UBR2: variants seen among roughly 807,000 people sequenced by gnomAD.
UBR2 encodes the protein ubiquitin protein ligase E3 component n-recognin 2, also known as E3 ubiquitin-protein ligase UBR2.
A neutral mutation model predicts 247.9 loss-of-function variants in UBR2; 92 were observed. That is an observed-to-expected ratio of 0.37 (90% CI 0.31 to 0.44). The LOEUF is 0.44. Among genes scored for constraint, UBR2 ranks in the 20% least tolerant of loss-of-function variants. The pLI is 1.00. For synonymous variants in UBR2, 672 were observed against 693.5 expected, an observed-to-expected ratio of 0.97 and a Z score of 0.49; for missense variants, 1,613 against 2,112.6, an observed-to-expected ratio of 0.76 and a Z score of 4.64.
intron 44 of UBR2, among the ~76,000 whole-genome samples, chr6:42,686,514 TC>T (rs1183703626): frequency 5.9e-5 from 9 of 152,304 alleles, no homozygotes; most frequent in African/African-American, 2.2e-4. Flanking sequence ...GATCTCTCTT[TC>T]TTTTCCCCAC....
chr6:42,585,930 C>CT (rs1160158834), intron 2 of UBR2, among the ~76,000 whole-genome samples: 1 of 151,928 alleles, frequency 6.6e-6, no homozygotes, highest in African/African-American at 2.4e-5. Flanking sequence ...GATTTATGGT[C>CT]TTATATTTTT....
At chr6:42,667,223 C>T (rs374093229) in intron 34 of UBR2, among the ~76,000 whole-genome samples, 16 of 152,008 alleles carry the variant, frequency 1.1e-4, no homozygotes, top group Middle Eastern at 3.4e-3. Context: ...GTAATCCCAG[C>T]TACTTGGGGG....
chr6:42,618,827 A>C (rs1445540663), intron 11 of UBR2, among the ~76,000 whole-genome samples: 1 of 152,210 alleles, frequency 6.6e-6, no homozygotes, highest in African/African-American at 2.4e-5. Flanking sequence ...GAACCGGCCA[A>C]GTGGGTTTGA....
chr6:42,583,534 T>G (rs999097531), intron 2 of UBR2, among the ~76,000 whole-genome samples: 1 of 148,368 alleles, frequency 6.7e-6, no homozygotes, highest in Non-Finnish European at 1.5e-5. Flanking sequence ...GGGCTTTTTT[T>G]TTTTTTTCTC....
intron 16 of UBR2, 113 bp downstream of exon 16, chr6:42,640,383 G>GGTGTGTGTGTGTGTGTGTGT (rs61668810): frequency 1.3e-5 from 2 of 151,600 alleles, no homozygotes; most frequent in East Asian, 3.3e-4. Flanking sequence ...GAACCAGTAA[G>GGTGTGTGTGTGTGTGTGTGT]GTGTGTGTGT....
At chr6:42,629,216 C>T (rs899957305) in intron 11 of UBR2, among the ~76,000 whole-genome samples, 3 of 151,990 alleles carry the variant, frequency 2.0e-5, no homozygotes, top group African/African-American at 7.2e-5. Context: ...GGGGTTTCGC[C>T]ATGTTGGCCA....
intron 6 of UBR2, 46 bp downstream of exon 6, chr6:42,605,905 G>A: frequency 6.6e-7 from 1 of 1,520,384 alleles, no homozygotes; most frequent in Non-Finnish European, 8.9e-7. Context: ...TTTTACTATA[G>A]GTAAGTTACT....
At chr6:42,592,044 A>T (rs911189509) in intron 2 of UBR2, 107 bp from the exon 3 acceptor site, 1 of 1,103,828 alleles carries the variant, frequency 9.1e-7, no homozygotes, top group South Asian at 1.5e-5. Flanking sequence ...AACACCAAAA[A>T]ACTTCACGTT....
chr6:42,599,758 C>T (rs1261859232), intron 4 of UBR2, among the ~76,000 whole-genome samples: 1 of 151,964 alleles, frequency 6.6e-6, no homozygotes. Flanking sequence ...CAAGCGATTT[C>T]TCCCCCTTCA....
chr6:42,644,165 T>A, intron 18 of UBR2, 49 bp from the exon 19 acceptor site: 1 of 1,565,186 alleles, frequency 6.4e-7, no homozygotes, highest in Admixed American at 2.0e-5. Context: ...TAGTGGCCCC[T>A]TTGACCTTCC....
At chr6:42,620,718 G>A (rs373971893) in intron 11 of UBR2, among the ~76,000 whole-genome samples, 1 of 151,846 alleles carries the variant, frequency 6.6e-6, no homozygotes, top group African/African-American at 2.4e-5. Context: ...GCCTCTCAAA[G>A]TGCTGGGATT....
intron 7 of UBR2, among the ~76,000 whole-genome samples, chr6:42,609,199 C>T (rs1020724542): frequency 4.6e-5 from 7 of 152,160 alleles, no homozygotes; most frequent in Non-Finnish European, 1.0e-4. Flanking sequence ...TAAAGCTTTA[C>T]CTCACCTAGG....
At chr6:42,655,454 A>G (rs1421343242) in intron 25 of UBR2, among the ~76,000 whole-genome samples, 167 bp from the exon 26 acceptor site, 6 of 146,970 alleles carry the variant, frequency 4.1e-5, no homozygotes, top group Non-Finnish European at 7.5e-5. Flanking sequence ...CTCCATCTCA[A>G]AAAAAAAAAA....
chr6:42,676,398 C>A (rs1690688314), intron 39 of UBR2, among the ~76,000 whole-genome samples: 1 of 152,134 alleles, frequency 6.6e-6, no homozygotes. Flanking sequence ...GTTTTAATTT[C>A]ATACATTCAG....
chr6:42,614,217 TACACACAC>T lies in UBR2; in HGVS notation c.986-833_986-826del, dbSNP rs576036792. ...AAAAAAAAAAAAAACTATATATATA[TACACACAC>T]ACACACACACACACACACACGCGCG... On this transcript the variant is annotated intron_variant, in intron 8 of 46. Transcript: ENST00000372901. Among the ~76,000 whole-genome samples the T allele has an allele frequency of 6.2e-3, 384 of 61,834 alleles. 26 individuals carry two copies. The highest frequency in any genetic ancestry group is 0.029 in the Middle Eastern group (3 of 102). The allele number at this position is 61,834 out of a possible 152,430, so 40.6% of individuals were successfully genotyped here.
chr6:42,649,050 G>A (rs932679594), intron 22 of UBR2, among the ~76,000 whole-genome samples: 3 of 152,064 alleles, frequency 2.0e-5, no homozygotes, highest in Non-Finnish European at 4.4e-5. Flanking sequence ...GTAACAAAGC[G>A]AGACTCAAGT....
intron 7 of UBR2, among the ~76,000 whole-genome samples, chr6:42,609,909 GA>G (rs1272396569): frequency 8.2e-4 from 119 of 145,378 alleles, no homozygotes; most frequent in African/African-American, 2.9e-3. Flanking sequence ...AAAAAAAAAA[GA>G]AAAAAAAAGA....
intron 13 of UBR2, among the ~76,000 whole-genome samples, chr6:42,634,603 C>G (rs926237712): frequency 6.6e-6 from 1 of 152,168 alleles, no homozygotes; most frequent in Non-Finnish European, 1.5e-5. Flanking sequence ...TACAGGTGCA[C>G]GCCACCACAC....
intron 1 of UBR2, among the ~76,000 whole-genome samples, chr6:42,565,082 A>T (rs1790699611): frequency 6.6e-6 from 1 of 152,254 alleles, no homozygotes; most frequent in Non-Finnish European, 1.5e-5. Context: ...CAAATGTTAT[A>T]TAACGTTGAT....
Sources: allele counts gnomAD v4.1 joint callset (sites outside exome capture counted in the v4.1 genomes callset), GRCh38; gene constraint gnomAD v4.1.1; transcripts MANE v1.5; gene names NCBI Gene and HGNC (gene_info 2026-07-23, HGNC 2026-07-21).